The following RANBP2 variants were observed in gnomAD, a reference collection of about 807,000 sequenced individuals.
The protein encoded by RANBP2 is RAN binding protein 2.
Under a neutral mutation model 303.6 loss-of-function variants are expected in RANBP2, and 57 were observed. The observed-to-expected ratio is 0.19, with a 90% CI of 0.15 to 0.23. RANBP2 has a LOEUF of 0.23. RANBP2 is among the 10% of genes least tolerant of loss of function. RANBP2 has a pLI of 1.00. For synonymous variants in RANBP2, 1,167 were observed against 1,301.5 expected (o/e 0.90, Z 2.23); for missense variants, 3,138 against 3,780.8 (o/e 0.83, Z 4.46).
At chr2:109,246,410 A>G in the RANBP2 span, among the ~76,000 whole-genome samples, 7 of 152,274 alleles carry the variant, frequency 4.6e-5, no homozygotes, top group East Asian at 1.9e-4. Context: ...AATCCCATTC[A>G]TGAGGGCTCC....
chr2:108,960,685 C>T, the RANBP2 span, among the ~76,000 whole-genome samples: 154 of 152,046 alleles, frequency 1.0e-3, 1 homozygote, highest in Non-Finnish European at 1.6e-3. Context: ...AAGAAGAAAA[C>T]TAAAAATCAC....
the RANBP2 span, among the ~76,000 whole-genome samples, chr2:109,119,864 G>A: frequency 6.6e-6 from 1 of 152,190 alleles, no homozygotes; most frequent in East Asian, 1.9e-4. Context: ...AGAGTAAAAT[G>A]TACATTGCTT....
the RANBP2 span, among the ~76,000 whole-genome samples, chr2:108,995,002 T>C: frequency 2.6e-5 from 4 of 151,820 alleles, no homozygotes; most frequent in Non-Finnish European, 5.9e-5. Context: ...GCTAATTTTT[T>C]TGTATTTTTA....
At chr2:108,966,919 C>T in the RANBP2 span, among the ~76,000 whole-genome samples, 1 of 152,166 alleles carries the variant, frequency 6.6e-6, no homozygotes, top group African/African-American at 2.4e-5. Context: ...GTCCCAAAGA[C>T]CAGCCAATTG....
chr2:109,411,604 T>C, the RANBP2 span, among the ~76,000 whole-genome samples: 6 of 152,180 alleles, frequency 3.9e-5, no homozygotes, highest in Non-Finnish European at 7.3e-5. Context: ...CTCATTTCTT[T>C]GTACTTTTAG....
At chr2:108,756,079 T>C (rs965498460) in intron 17 of RANBP2, among the ~76,000 whole-genome samples, 3 of 152,192 alleles carry the variant, frequency 2.0e-5, no homozygotes, top group African/African-American at 7.2e-5. Context: ...TTCCACAAAA[T>C]TTGAGACCTT....
intron 7 of RANBP2, among the ~76,000 whole-genome samples, chr2:108,744,659 A>G (rs935570368): frequency 3.9e-5 from 6 of 152,374 alleles, no homozygotes; most frequent in African/African-American, 1.4e-4. Flanking sequence ...AGGCAATATG[A>G]ATATTTCTAA....
the RANBP2 span, among the ~76,000 whole-genome samples, chr2:108,821,516 C>G: frequency 6.6e-6 from 1 of 151,662 alleles, no homozygotes; most frequent in Non-Finnish European, 1.5e-5. Context: ...ACAGAATATA[C>G]ACAAAAGCAA....
At chr2:109,400,530 G>T in the RANBP2 span, among the ~76,000 whole-genome samples, 9 of 151,534 alleles carry the variant, frequency 5.9e-5, no homozygotes, top group Non-Finnish European at 1.3e-4. Context: ...CACACCTGCA[G>T]ATACACATGC....
chr2:108,925,199 T>G, the RANBP2 span, among the ~76,000 whole-genome samples: 2 of 152,004 alleles, frequency 1.3e-5, no homozygotes, highest in Admixed American at 6.6e-5. Context: ...CTCTATTCCT[T>G]GGACCTTGTG....
At chr2:109,068,850 A>G in the RANBP2 span, among the ~76,000 whole-genome samples, 3 of 152,240 alleles carry the variant, frequency 2.0e-5, no homozygotes, top group Admixed American at 1.3e-4. Context: ...AATGCTTGTA[A>G]GTACTAAATA....
the RANBP2 span, among the ~76,000 whole-genome samples, chr2:109,109,895 C>T: frequency 2.0e-5 from 3 of 152,118 alleles, no homozygotes; most frequent in Non-Finnish European, 4.4e-5. Flanking sequence ...AATTCTGCCA[C>T]CCCCAATATG....
chr2:109,219,983 G>A, the RANBP2 span, among the ~76,000 whole-genome samples: 1 of 152,154 alleles, frequency 6.6e-6, no homozygotes, highest in African/African-American at 2.4e-5. Flanking sequence ...ATCTTGAAAA[G>A]GAGGAGCAAA....
At chr2:109,300,428 C>T in the RANBP2 span, among the ~76,000 whole-genome samples, 1 of 152,178 alleles carries the variant, frequency 6.6e-6, no homozygotes, top group African/African-American at 2.4e-5. Flanking sequence ...GATCCACCCA[C>T]CTCAGTGTCC....
At chr2:109,290,746 C>T in the RANBP2 span, among the ~76,000 whole-genome samples, 2 of 152,338 alleles carry the variant, frequency 1.3e-5, no homozygotes, top group South Asian at 4.1e-4. Context: ...TGCTGTTACA[C>T]CCATACCTTT....
chr2:109,507,834 G>A, the RANBP2 span, among the ~76,000 whole-genome samples: 1 of 152,214 alleles, frequency 6.6e-6, no homozygotes, highest in African/African-American at 2.4e-5. Flanking sequence ...GTGTGCAAAT[G>A]ATGGGGCTGG....
chr2:109,529,954 G>A, the RANBP2 span, among the ~76,000 whole-genome samples: 3 of 152,184 alleles, frequency 2.0e-5, no homozygotes, highest in Non-Finnish European at 4.4e-5. Context: ...TGGGCCATCA[G>A]CCTTTTAGCA....
chr2:109,315,563 G>A, the RANBP2 span, among the ~76,000 whole-genome samples: 1 of 152,352 alleles, frequency 6.6e-6, no homozygotes, highest in African/African-American at 2.4e-5. Flanking sequence ...GACCATGTGT[G>A]CCTGTTGTGC....
chr2:109,259,237 T>C, the RANBP2 span, among the ~76,000 whole-genome samples: 1 of 152,232 alleles, frequency 6.6e-6, no homozygotes, highest in Admixed American at 6.5e-5. Context: ...AAGGGTGTCC[T>C]GGCCCTGAGG....
Sources: gnomAD v4.1 joint callset for allele counts (sites outside exome capture counted in the v4.1 genomes callset) on GRCh38, gnomAD v4.1.1 for gene constraint, MANE v1.5 for transcripts, NCBI Gene and HGNC (gene_info 2026-07-23, HGNC 2026-07-21) for gene names.